Variants in NRG3 observed in about 807,000 individuals in gnomAD.
NRG3 encodes the protein pro-neuregulin-3, membrane-bound isoform.
Under a neutral mutation model 66.9 loss-of-function variants are expected in NRG3, and 31 were observed. The ratio of observed to expected loss-of-function variants is 0.46; its 90% CI spans 0.35 to 0.63. NRG3 has a LOEUF of 0.63. Ranked by LOEUF, NRG3 falls within the 20% of genes least tolerant of loss-of-function variation. The pLI, the probability that NRG3 is intolerant of heterozygous loss-of-function variation, is 0.00. For missense variants in NRG3, 910 were observed against 878.9 expected (o/e 1.04, Z -0.45); for synonymous variants, 393 against 359.4 (o/e 1.09, Z -1.06).
intron 2 of NRG3, among the ~76,000 whole-genome samples, chr10:82,458,982 A>G (rs531452080): frequency 1.3e-5 from 2 of 152,154 alleles, no homozygotes; most frequent in African/African-American, 4.8e-5. Context: ...CTCTCCATTC[A>G]CTGGCAGTTT....
intron 1 of NRG3, among the ~76,000 whole-genome samples, chr10:82,142,690 G>C (rs973611363): frequency 1.3e-5 from 2 of 151,696 alleles, no homozygotes; most frequent in Non-Finnish European, 2.9e-5. Flanking sequence ...TCTCATGGAA[G>C]AGCTGGGGGA....
intron 1 of NRG3, among the ~76,000 whole-genome samples, chr10:82,288,766 A>G (rs576032471): frequency 2.0e-5 from 3 of 152,278 alleles, no homozygotes; most frequent in East Asian, 3.9e-4. Flanking sequence ...GGGGTTTGAC[A>G]TTCCTTCTGA....
chr10:82,264,957 A>C (rs537380934), intron 1 of NRG3, among the ~76,000 whole-genome samples: 1 of 152,324 alleles, frequency 6.6e-6, no homozygotes, highest in East Asian at 1.9e-4. Context: ...AGGAGGCAAG[A>C]TAGCATATTC....
intron 1 of NRG3, among the ~76,000 whole-genome samples, chr10:82,108,924 G>A (rs1364507408): frequency 6.6e-6 from 1 of 152,066 alleles, no homozygotes; most frequent in East Asian, 1.9e-4. Flanking sequence ...TGCTATATGA[G>A]CAACATAAAT....
intron 1 of NRG3, among the ~76,000 whole-genome samples, chr10:82,055,329 T>A (rs1043217499): frequency 2.6e-5 from 4 of 151,206 alleles, no homozygotes; most frequent in African/African-American, 9.7e-5. Context: ...ACAAAAAAAA[T>A]AGCCAGGCAT....
intron 1 of NRG3, among the ~76,000 whole-genome samples, chr10:82,076,363 T>G (rs1016336964): frequency 6.6e-6 from 1 of 152,200 alleles, no homozygotes; most frequent in African/African-American, 2.4e-5. Flanking sequence ...CCAAGTACAT[T>G]TCACTATGAT....
chr10:82,134,773 T>C (rs939117121), intron 1 of NRG3, among the ~76,000 whole-genome samples: 2 of 152,078 alleles, frequency 1.3e-5, no homozygotes, highest in African/African-American at 4.8e-5. Context: ...AATTTTAAAA[T>C]TCATATAAAA....
At chr10:82,035,737 G>A (rs914060054) in intron 1 of NRG3, among the ~76,000 whole-genome samples, 3 of 152,054 alleles carry the variant, frequency 2.0e-5, no homozygotes, top group African/African-American at 7.2e-5. Context: ...AAAGTGTTAG[G>A]TGCAATTATT....
At chr10:82,915,033 G>A (rs1158021307) in intron 4 of NRG3, among the ~76,000 whole-genome samples, 1 of 152,196 alleles carries the variant, frequency 6.6e-6, no homozygotes, top group Non-Finnish European at 1.5e-5. Context: ...TTTATGGAAG[G>A]AAAACTTATG....
At chr10:82,381,984 TTAATTAACTTTAC>T (rs1184536920) in intron 2 of NRG3, among the ~76,000 whole-genome samples, 5 of 152,176 alleles carry the variant, frequency 3.3e-5, no homozygotes, top group Non-Finnish European at 4.4e-5. Flanking sequence ...TCATATTGCT[TTAATTAACTTTAC>T]TTTTAGGAGA....
chr10:82,715,917 AG>A (rs1321942896), intron 2 of NRG3, among the ~76,000 whole-genome samples: 2 of 152,108 alleles, frequency 1.3e-5, no homozygotes, highest in African/African-American at 4.8e-5. Context: ...GCAAAAAGAC[AG>A]GGGGCTAGCT....
At chr10:82,585,533 A>G (rs1229267204) in intron 2 of NRG3, among the ~76,000 whole-genome samples, 1 of 151,628 alleles carries the variant, frequency 6.6e-6, no homozygotes, top group African/African-American at 2.4e-5. Context: ...CAGACCACCC[A>G]CCCCTCTTCT....
At chr10:82,514,546 G>A (rs1407675756) in intron 2 of NRG3, among the ~76,000 whole-genome samples, 1 of 152,064 alleles carries the variant, frequency 6.6e-6, no homozygotes, top group African/African-American at 2.4e-5. Flanking sequence ...TGGTCTATCT[G>A]TCTGTTTCTG....
chr10:82,423,147 G>T (rs2089197271), intron 2 of NRG3, among the ~76,000 whole-genome samples: 1 of 151,820 alleles, frequency 6.6e-6, no homozygotes, highest in Admixed American at 6.6e-5. Flanking sequence ...TGCCACTTAA[G>T]ATTATTTCTC....
intron 2 of NRG3, among the ~76,000 whole-genome samples, chr10:82,634,347 G>C (rs1241441317): frequency 2.0e-5 from 3 of 152,052 alleles, no homozygotes; most frequent in Non-Finnish European, 4.4e-5. Context: ...ATGTGTTTAT[G>C]TATACAGTAC....
chr10:82,759,573 A>G (rs1262266023), intron 3 of NRG3, among the ~76,000 whole-genome samples: 1 of 152,150 alleles, frequency 6.6e-6, no homozygotes, highest in Non-Finnish European at 1.5e-5. Context: ...TCAAATGTCA[A>G]ACCAATCACA....
intron 2 of NRG3, among the ~76,000 whole-genome samples, chr10:82,669,255 T>TAAC (rs955655480): frequency 1.6e-5 from 1 of 60,992 alleles, no homozygotes; most frequent in African/African-American, 9.6e-5. Context: ...ATGGTAATAA[T>TAAC]AATAATAATA....
In NRG3 at chr10:82,764,678, C is replaced by A. The variant is rs191249545; in HGVS notation, c.1027+26028C>A. ...GGCATGAGCCACCACACCCAGCCAGCAAATAAAAAATTTTTAAAAAAGATA... is the reference window on the plus strand; with the variant it reads ...GGCATGAGCCACCACACCCAGCCAGAAAATAAAAAATTTTTAAAAAAGATA... On this transcript the variant is annotated intron_variant, in intron 3 of 8. Coordinates refer to ENST00000372141, the MANE Select transcript of NRG3 (RefSeq NM_001010848.4). 4.2e-3 allele frequency among the ~76,000 whole-genome samples: 633 copies of A among 151,984 alleles called. 9 individuals are homozygous for A. The highest frequency in any genetic ancestry group is 0.014 in the African/African-American group (580 of 41,432).
At chr10:82,145,920 G>A (rs2070218256) in intron 1 of NRG3, among the ~76,000 whole-genome samples, 1 of 152,100 alleles carries the variant, frequency 6.6e-6, no homozygotes, top group Admixed American at 6.6e-5. Context: ...AAAGAATTAG[G>A]TTGCCTAGAA....
Sources: allele counts gnomAD v4.1 joint callset (sites outside exome capture counted in the v4.1 genomes callset), GRCh38; gene constraint gnomAD v4.1.1; transcripts MANE v1.5; gene names NCBI Gene and HGNC (gene_info 2026-07-23, HGNC 2026-07-21).